The following WDR27 variants were observed in gnomAD, a reference collection of about 807,000 sequenced individuals.
WDR27 encodes WD repeat-containing protein 27.
In WDR27, 100 loss-of-function variants were observed where a neutral mutation model predicts 114.4. That is an observed-to-expected ratio of 0.87 (90% confidence interval 0.74 to 1.03). WDR27 has a LOEUF of 1.03. Among genes scored for constraint, WDR27 ranks in the 50% least tolerant of loss-of-function variants. The pLI, the probability that WDR27 is intolerant of heterozygous loss-of-function variation, is 0.00. For missense variants in WDR27, 1,129 were observed against 1,092.9 expected, an observed-to-expected ratio of 1.03 and a Z score of -0.47; for synonymous variants, 449 against 423.1, an observed-to-expected ratio of 1.06 and a Z score of -0.75.
chr6:169,615,613 A>T (rs554064348), intron 21 of WDR27, among the ~76,000 whole-genome samples: 1 of 152,304 alleles, frequency 6.6e-6, no homozygotes, highest in East Asian at 1.9e-4. Context: ...CCTTCCTTAC[A>T]CCATACACAA....
chr6:169,489,131 G>C (rs574910055), intron 25 of WDR27, among the ~76,000 whole-genome samples: 3 of 152,160 alleles, frequency 2.0e-5, no homozygotes, highest in South Asian at 2.1e-4. Flanking sequence ...CCGTTCATTC[G>C]TGCAAAGTCA....
chr6:169,507,336 C>G (rs1271730965), intron 25 of WDR27, among the ~76,000 whole-genome samples: 1 of 152,160 alleles, frequency 6.6e-6, no homozygotes, highest in East Asian at 1.9e-4. Context: ...GGGGAAGGAA[C>G]ATCAATTCAC....
chr6:169,612,437 AAACG>A lies in WDR27; in HGVS notation c.2321+1118_2321+1121del, dbSNP rs1309970114. ...AGCGAGACTCCGTCTCAAAACAAACAAACGAACAAACAAACAAACAAAAAATTAG... is the reference window on the plus strand; with the variant it reads ...AGCGAGACTCCGTCTCAAAACAAACAAACAAACAAACAAACAAAAAATTAG... On this transcript the variant is annotated intron_variant, in intron 22 of 25. Coordinates refer to ENST00000448612, the MANE Select transcript of WDR27 (RefSeq NM_182552.5). Among the ~76,000 whole-genome samples the A allele has an allele frequency of 3.1e-3, 455 of 145,290 alleles. 1 individual carries two copies. The highest frequency in any genetic ancestry group is 0.01 in the African/African-American group (423 of 40,616).
At chr6:169,438,680 C>T in the WDR27 span, among the ~76,000 whole-genome samples, 2 of 152,186 alleles carry the variant, frequency 1.3e-5, no homozygotes, top group Non-Finnish European at 2.9e-5. Flanking sequence ...AAGTACCTTT[C>T]CATGAGGTTC....
intron 23 of WDR27, among the ~76,000 whole-genome samples, chr6:169,598,293 T>C (rs189372561): frequency 5.8e-4 from 88 of 152,304 alleles, no homozygotes; most frequent in South Asian, 5.2e-3. Flanking sequence ...CTGCGTAATA[T>C]ACAAAGAATG....
chr6:169,548,405 G>A (rs77344335), intron 25 of WDR27, among the ~76,000 whole-genome samples: 3,143 of 152,228 alleles, frequency 0.021, 70 homozygotes, highest in East Asian at 0.081. Flanking sequence ...AGCTAGAAGA[G>A]AGGATTCTGA....
chr6:169,673,248 A>C (rs952083669), intron 2 of WDR27, among the ~76,000 whole-genome samples: 2 of 152,164 alleles, frequency 1.3e-5, no homozygotes, highest in African/African-American at 4.8e-5. Flanking sequence ...GGTCCATAGT[A>C]AGCTGAGATG....
intron 25 of WDR27, among the ~76,000 whole-genome samples, chr6:169,534,059 C>T (rs1795936792): frequency 6.6e-6 from 1 of 152,152 alleles, no homozygotes; most frequent in Admixed American, 6.5e-5. Flanking sequence ...TTAAGGAAGC[C>T]CCCTTCCATT....
Position 169,638,322 on chromosome 6 carries a change from C to CAAAAA in WDR27, c.1869+212_1869+216dup, listed in dbSNP as rs60501000. On this transcript the variant is annotated intron_variant, in intron 18 of 25. Transcript: ENST00000448612. ...TGGGCGACAGAGCGAGACTCCGTCT[C>CAAAAA]AAAAAAAAAAAAAAAAAAAAAAAAA... Among the ~76,000 whole-genome samples the CAAAAA allele has an allele frequency of 2.9e-3, 32 of 11,036 alleles. 1 individual carries two copies. Among genetic ancestry groups the CAAAAA allele is most frequent in the Non-Finnish European group, 4.6e-3 (19 of 4,116 alleles). 7.2% of individuals were successfully genotyped at this position (11,036 alleles called of 152,430 possible).
chr6:169,556,557 G>A (rs1475608296), intron 25 of WDR27, among the ~76,000 whole-genome samples: 1 of 152,170 alleles, frequency 6.6e-6, no homozygotes, highest in Non-Finnish European at 1.5e-5. Context: ...CTCAGTCTCT[G>A]GGTTAGCAAA....
chr6:169,428,657 A>C, the WDR27 span, among the ~76,000 whole-genome samples: 1 of 151,972 alleles, frequency 6.6e-6, no homozygotes, highest in African/African-American at 2.4e-5. Context: ...ACAGAGCTCT[A>C]CAAGGGAGGC....
chr6:169,578,994 G>C (rs558475006), intron 24 of WDR27, among the ~76,000 whole-genome samples: 23 of 152,268 alleles, frequency 1.5e-4, no homozygotes, highest in Middle Eastern at 3.4e-3. Context: ...CACGGCAGCA[G>C]CCAGAGTCTG....
intron 23 of WDR27, among the ~76,000 whole-genome samples, chr6:169,583,728 G>C (rs1404644713): frequency 1.1e-5 from 1 of 92,020 alleles, no homozygotes; most frequent in African/African-American, 4.1e-5. Context: ...CAGGAGGAAG[G>C]TGTCAAAGAC....
chr6:169,679,525 G>A (rs892100425), intron 2 of WDR27, among the ~76,000 whole-genome samples: 3 of 152,130 alleles, frequency 2.0e-5, no homozygotes, highest in Non-Finnish European at 4.4e-5. Flanking sequence ...GGTCATGCCG[G>A]CTGATCCCTC....
At chr6:169,584,048 G>A (rs1199114334) in intron 23 of WDR27, among the ~76,000 whole-genome samples, 1 of 59,068 alleles carries the variant, frequency 1.7e-5, no homozygotes, top group Admixed American at 1.9e-4. Flanking sequence ...CGTATCCTTT[G>A]ACCCACATCT....
intron 21 of WDR27, among the ~76,000 whole-genome samples, chr6:169,618,597 C>T (rs1379311768): frequency 1.8e-5 from 2 of 111,446 alleles, no homozygotes; most frequent in Non-Finnish European, 3.4e-5. Flanking sequence ...CAGAAGAGAT[C>T]ATGTTAATGG....
chr6:169,576,766 CAAAA>C (rs34375216), intron 24 of WDR27, among the ~76,000 whole-genome samples: 1 of 137,464 alleles, frequency 7.3e-6, no homozygotes, highest in Non-Finnish European at 1.6e-5. Context: ...CCCTTTCTCA[CAAAA>C]AAAAAAAAGA....
intron 16 of WDR27, among the ~76,000 whole-genome samples, chr6:169,647,088 G>A (rs1026688954): frequency 2.0e-5 from 3 of 152,138 alleles, no homozygotes; most frequent in African/African-American, 7.2e-5. Flanking sequence ...TCTCACTTCT[G>A]AGAGGCGTTC....
intron 25 of WDR27, among the ~76,000 whole-genome samples, chr6:169,521,659 G>C (rs930642683): frequency 8.5e-5 from 13 of 152,146 alleles, no homozygotes; most frequent in Admixed American, 3.3e-4. Context: ...AGTCAAAATA[G>C]ATGGAGCTTA....
Sources: gnomAD v4.1 joint callset for allele counts (sites outside exome capture counted in the v4.1 genomes callset) on GRCh38, gnomAD v4.1.1 for gene constraint, MANE v1.5 for transcripts, NCBI Gene and HGNC (gene_info 2026-07-23, HGNC 2026-07-21) for gene names.